ANKRD17: variants seen among roughly 807,000 people sequenced by gnomAD.
ANKRD17 encodes ankyrin repeat domain 17, also known as ankyrin repeat domain-containing protein 17.
ANKRD17 carries 19 observed loss-of-function variants against 229.7 expected under a neutral mutation model. The ratio of observed to expected loss-of-function variants is 0.08; its 90% confidence interval spans 0.06 to 0.12. The LOEUF (loss-of-function observed/expected upper bound fraction) is 0.12, where lower values mean the gene tolerates loss of function less well. ANKRD17 is among the 10% of genes least tolerant of loss of function. The pLI, the probability that ANKRD17 is intolerant of heterozygous loss-of-function variation, is 1.00. For synonymous variants in ANKRD17, 1,112 were observed against 1,146.1 expected, an observed-to-expected ratio of 0.97 and a Z score of 0.60; for missense variants, 2,176 against 3,176.8, an observed-to-expected ratio of 0.68 and a Z score of 7.57.
At chr4:73,155,164 A>G (rs556154916) in intron 5 of ANKRD17, among the ~76,000 whole-genome samples, 17 of 152,354 alleles carry the variant, frequency 1.1e-4, no homozygotes, top group African/African-American at 4.1e-4. Context: ...AAAAAAATAT[A>G]TATTTTAGAC....
At chr4:73,244,329 C>A (rs1433324836) in intron 1 of ANKRD17, among the ~76,000 whole-genome samples, 1 of 152,112 alleles carries the variant, frequency 6.6e-6, no homozygotes, top group African/African-American at 2.4e-5. Flanking sequence ...GCTAGTGAGC[C>A]ACAGTAGATC....
chr4:73,225,469 T>C (rs1742366610), intron 1 of ANKRD17, among the ~76,000 whole-genome samples: 1 of 152,206 alleles, frequency 6.6e-6, no homozygotes, highest in Non-Finnish European at 1.5e-5. Flanking sequence ...ACAATACATA[T>C]GTGATTATGG....
At chr4:73,218,099 G>A (rs555385935) in intron 1 of ANKRD17, among the ~76,000 whole-genome samples, 1 of 152,178 alleles carries the variant, frequency 6.6e-6, no homozygotes, top group Non-Finnish European at 1.5e-5. Context: ...ATGAGAACCA[G>A]TGGATGTTCT....
chr4:73,241,414 T>C (rs577436388), intron 1 of ANKRD17, among the ~76,000 whole-genome samples: 9 of 152,272 alleles, frequency 5.9e-5, no homozygotes, highest in African/African-American at 1.9e-4. Context: ...ATACATACAA[T>C]GGAATATTTA....
chr4:73,191,217 G>C (rs778960376), intron 1 of ANKRD17, among the ~76,000 whole-genome samples: 7 of 151,970 alleles, frequency 4.6e-5, no homozygotes, highest in Non-Finnish European at 7.4e-5. Context: ...TATATATATG[G>C]GACTTATAAA....
chr4:73,208,132 T>C (rs1425394249), intron 1 of ANKRD17, among the ~76,000 whole-genome samples: 1 of 130,368 alleles, frequency 7.7e-6, no homozygotes, highest in Non-Finnish European at 1.5e-5. Flanking sequence ...GAGCTTGCAG[T>C]GAGCAGAGAT....
chr4:73,196,333 T>C (rs1737880189), intron 1 of ANKRD17, among the ~76,000 whole-genome samples: 1 of 152,188 alleles, frequency 6.6e-6, no homozygotes, highest in Non-Finnish European at 1.5e-5. Context: ...TTGATTTTCT[T>C]ATCTTATTCT....
At chr4:73,211,420 C>G (rs1421311786) in intron 1 of ANKRD17, among the ~76,000 whole-genome samples, 1 of 152,066 alleles carries the variant, frequency 6.6e-6, no homozygotes, top group East Asian at 1.9e-4. Context: ...CAAAGCCAAA[C>G]TGAGCTTTAG....
chr4:73,087,198 G>A (rs1722292917), intron 29 of ANKRD17, among the ~76,000 whole-genome samples: 1 of 151,040 alleles, frequency 6.6e-6, no homozygotes, highest in African/African-American at 2.4e-5. Context: ...TGATCCTCCT[G>A]CCTCAGCCTC....
intron 1 of ANKRD17, among the ~76,000 whole-genome samples, chr4:73,247,873 T>G (rs1469849592): frequency 6.6e-6 from 1 of 152,024 alleles, no homozygotes; most frequent in Non-Finnish European, 1.5e-5. Context: ...AAGACGTATT[T>G]CAGGTAATGA....
chr4:73,191,887 A>C (rs1010412218), intron 1 of ANKRD17, among the ~76,000 whole-genome samples: 2 of 152,112 alleles, frequency 1.3e-5, no homozygotes, highest in African/African-American at 4.8e-5. Flanking sequence ...AATTTAGTAT[A>C]AAAATACTTG....
intron 9 of ANKRD17, 39 bp from the exon 10 acceptor site, chr4:73,146,912 G>C: frequency 6.6e-7 from 1 of 1,513,028 alleles, no homozygotes; most frequent in Non-Finnish European, 9.1e-7. Flanking sequence ...CTTAATAAAG[G>C]AGCCATAAGA....
At chr4:73,246,241 G>C (rs1744488532) in intron 1 of ANKRD17, among the ~76,000 whole-genome samples, 1 of 152,184 alleles carries the variant, frequency 6.6e-6, no homozygotes, top group Admixed American at 6.5e-5. Flanking sequence ...TTATTAATAT[G>C]TACCAATGAC....
At chr4:73,092,423 T>C in intron 28 of ANKRD17, 123 bp from the exon 29 acceptor site, 2 of 750,526 alleles carry the variant, frequency 2.7e-6, no homozygotes, top group East Asian at 5.4e-5. Context: ...CATACACACA[T>C]ACAAACAAAG....
intron 1 of ANKRD17, among the ~76,000 whole-genome samples, chr4:73,249,708 G>C (rs1238877965): frequency 3.9e-5 from 6 of 152,152 alleles, no homozygotes; most frequent in African/African-American, 1.4e-4. Context: ...ACAAAAATTA[G>C]CCGGGCGTGG....
chr4:73,159,306 C>G (rs928029977), intron 3 of ANKRD17, among the ~76,000 whole-genome samples: 1 of 152,168 alleles, frequency 6.6e-6, no homozygotes, highest in Non-Finnish European at 1.5e-5. Flanking sequence ...AAAGTAGTCT[C>G]TCTCTGTCTC....
At chr4:73,116,058 C>T (rs1725902759) in intron 22 of ANKRD17, 142 bp from the exon 23 acceptor site, 1 of 663,944 alleles carries the variant, frequency 1.5e-6, no homozygotes, top group Non-Finnish European at 2.6e-6. Context: ...GAAAAAGAGA[C>T]AGGCTTTGGT....
chr4:73,116,067 G>T lies in ANKRD17; in HGVS notation c.4189-151C>A, dbSNP rs1725904353. On this transcript the variant is annotated intron_variant, in intron 22 of 33. Transcript: ENST00000358602. ...ATAAATGAAAAAGAGACAGGCTTTG[G>T]TTCCAGTGAGTTAAATCCACATTGA... 5 of 609,066 alleles carry T rather than the reference G, an allele frequency of 8.2e-6. No individual in the cohort carries two copies. In the South Asian group the frequency reaches 1.1e-4, roughly 13 times the overall value. 37.7% of individuals were successfully genotyped at this position (609,066 alleles called of 1,614,324 possible). A position where few individuals can be genotyped will look rare whatever the true frequency, so the allele number is the denominator to read the frequency against.
At chr4:73,098,786 C>G (rs749233993) in intron 25 of ANKRD17, 9 of 1,348,886 alleles carry the variant, frequency 6.7e-6, no homozygotes, top group African/African-American at 1.4e-5. Flanking sequence ...GCCATTCCAG[C>G]CATCAATCTT....
Sources: allele counts gnomAD v4.1 joint callset (sites outside exome capture counted in the v4.1 genomes callset), GRCh38; gene constraint gnomAD v4.1.1; transcripts MANE v1.5; gene names NCBI Gene and HGNC (gene_info 2026-07-23, HGNC 2026-07-21).